CCNY: variants seen among roughly 807,000 people sequenced by gnomAD.
CCNY encodes the protein cyclin-Y.
Under a neutral mutation model 42.8 loss-of-function variants are expected in CCNY, and 19 were observed. The observed-to-expected ratio is 0.44, with a 90% CI of 0.31 to 0.65. CCNY has a LOEUF of 0.65. CCNY is among the 30% of genes least tolerant of loss of function. The pLI, the probability that CCNY is intolerant of heterozygous loss-of-function variation, is 0.07. For synonymous variants in CCNY, 165 were observed against 162.7 expected (o/e 1.01, Z -0.11); for missense variants, 370 against 437.3 (o/e 0.85, Z 1.37).
chr10:35,484,322 C>T (rs1045595195), intron 2 of CCNY, among the ~76,000 whole-genome samples: 8 of 152,154 alleles, frequency 5.3e-5, no homozygotes, highest in Non-Finnish European at 8.8e-5. Flanking sequence ...ATAGTAAGTT[C>T]ATAAATGAGA....
At chr10:35,548,385 G>A (rs888863191) in intron 7 of CCNY, among the ~76,000 whole-genome samples, 2 of 150,734 alleles carry the variant, frequency 1.3e-5, no homozygotes, top group Non-Finnish European at 2.9e-5. Flanking sequence ...TGCAGCCTCC[G>A]CCTCCCGGGT....
rs1364300133 is a variant in CCNY, at chr10:35,379,952, A to T, written c.154+42745A>T. Among the ~76,000 whole-genome samples the T allele has an allele frequency of 2.0e-5, 3 of 152,246 alleles. No individual in the cohort carries two copies. The East Asian group carries it at 5.8e-4, about 29-fold the overall frequency. On this transcript the variant is annotated intron_variant, in intron 1 of 9. Transcript: ENST00000374704. ...AGGAATTTTAGTACTCATCAGTCCC[A>T]GGCTGTCATATGAAGCATTCCACTC...
At chr10:35,371,989 A>G (rs541880690) in intron 1 of CCNY, among the ~76,000 whole-genome samples, 2 of 152,362 alleles carry the variant, frequency 1.3e-5, no homozygotes, top group South Asian at 2.1e-4. Context: ...CTGATGTTCA[A>G]GGTTATAAAG....
intron 3 of CCNY, among the ~76,000 whole-genome samples, chr10:35,273,367 C>T (rs1835196266): frequency 2.0e-5 from 3 of 151,770 alleles, no homozygotes; most frequent in Admixed American, 2.0e-4. Flanking sequence ...ATGCCCGGCT[C>T]ATTTTTTTTG....
chr10:35,496,247 T>C (rs552362854), intron 2 of CCNY, among the ~76,000 whole-genome samples: 35 of 152,368 alleles, frequency 2.3e-4, no homozygotes, highest in Non-Finnish European at 4.6e-4. Context: ...TATTCATACC[T>C]GGTTCTAATT....
At chr10:35,460,134 A>G (rs1839125250) in intron 1 of CCNY, among the ~76,000 whole-genome samples, 1 of 152,130 alleles carries the variant, frequency 6.6e-6, no homozygotes, top group South Asian at 2.1e-4. Flanking sequence ...TTTCAGGTAG[A>G]GCTCCCTGAT....
At position 35,310,197 on chromosome 10, in the gene CCNY, C is replaced by T. The variant is rs559720860; in HGVS notation, c.-9+59571C>T. 4.6e-5 allele frequency among the ~76,000 whole-genome samples: 7 copies of T among 152,304 alleles called. No homozygotes were observed. The East Asian group carries it at 9.6e-4, about 21-fold the overall frequency. ...GTGGTATTTGTCTTTCTGTGCCTGGCTTATTTCATTTCACATAATGTCCTC... is the reference window on the plus strand; with the variant it reads ...GTGGTATTTGTCTTTCTGTGCCTGGTTTATTTCATTTCACATAATGTCCTC... On this transcript the variant is annotated intron_variant, in intron 3 of 11. Transcript: ENST00000374706.
At chr10:35,518,001 G>A (rs1277300109) in intron 4 of CCNY, among the ~76,000 whole-genome samples, 2 of 152,194 alleles carry the variant, frequency 1.3e-5, no homozygotes, top group African/African-American at 4.8e-5. Context: ...AACAGAAGCT[G>A]CTAACTTCCC....
rs112714921 is a variant in CCNY, at chr10:35,484,039, A to G, written c.229+561A>G. ...CCCAGGTGTGTGTGGGATTTCTTCT[A>G]GGAGTTTTCTCTCTTTTCAGCCCCC... On this transcript the variant is annotated intron_variant, in intron 2 of 9. Coordinates refer to ENST00000374704, the MANE Select transcript of CCNY (RefSeq NM_145012.6). Among the ~76,000 whole-genome samples, 512 of 152,222 alleles carry G rather than the reference A, an allele frequency of 3.4e-3. 4 individuals carry two copies. The highest frequency in any genetic ancestry group is 0.012 in the African/African-American group (482 of 41,522).
chr10:35,563,860 C>G (rs901887826), intron 8 of CCNY, among the ~76,000 whole-genome samples: 1 of 151,100 alleles, frequency 6.6e-6, no homozygotes, highest in Non-Finnish European at 1.5e-5. Flanking sequence ...AGGTGCCCAC[C>G]ACCATGCCTG....
chr10:35,352,792 G>A (rs1589053601), intron 1 of CCNY, among the ~76,000 whole-genome samples: 1 of 152,186 alleles, frequency 6.6e-6, no homozygotes, highest in Non-Finnish European at 1.5e-5. Context: ...GCAAATGAGC[G>A]CTGCCTGATT....
intron 3 of CCNY, among the ~76,000 whole-genome samples, chr10:35,262,064 A>AC (rs112552729): frequency 0.36 from 55,044 of 150,826 alleles, 10,534 homozygotes; most frequent in African/African-American, 0.49. Flanking sequence ...GGAGTTCGAG[A>AC]CAGCCTGGGC....
intron 8 of CCNY, among the ~76,000 whole-genome samples, chr10:35,559,361 A>T (rs934207995): frequency 6.6e-6 from 1 of 152,238 alleles, no homozygotes; most frequent in African/African-American, 2.4e-5. Context: ...ACAGTGTGGA[A>T]GTCACAGCCT....
intron 3 of CCNY, among the ~76,000 whole-genome samples, chr10:35,322,478 C>T (rs567486072): frequency 2.0e-5 from 3 of 151,448 alleles, no homozygotes; most frequent in Admixed American, 1.3e-4. Flanking sequence ...CAAAAAAAGA[C>T]AAGAGCTATA....
chr10:35,564,471 T>A (rs934323416), intron 8 of CCNY, among the ~76,000 whole-genome samples: 6 of 152,044 alleles, frequency 3.9e-5, no homozygotes, highest in African/African-American at 1.4e-4. Flanking sequence ...TGTGGAGCCC[T>A]CCTCAGTCCT....
chr10:35,373,998 G>GT (rs1836996647), intron 1 of CCNY, among the ~76,000 whole-genome samples: 1 of 152,158 alleles, frequency 6.6e-6, no homozygotes, highest in Non-Finnish European at 1.5e-5. Context: ...ATTTTGTACA[G>GT]TTTTTTGAAA....
At chr10:35,272,038 G>C (rs1055194404) in intron 3 of CCNY, among the ~76,000 whole-genome samples, 1 of 152,240 alleles carries the variant, frequency 6.6e-6, no homozygotes, top group African/African-American at 2.4e-5. Context: ...CCAGGCTGGA[G>C]TGCAGTGGAG....
At chr10:35,408,756 A>G (rs1837839263) in intron 1 of CCNY, among the ~76,000 whole-genome samples, 1 of 152,156 alleles carries the variant, frequency 6.6e-6, no homozygotes, top group African/African-American at 2.4e-5. Context: ...CCTGACAGTA[A>G]TATGATGGGT....
intron 1 of CCNY, among the ~76,000 whole-genome samples, chr10:35,343,667 G>C: frequency 6.6e-6 from 1 of 152,198 alleles, no homozygotes; most frequent in East Asian, 1.9e-4. Context: ...TGGGATTATA[G>C]GTGTGAGCCA....
Sources: gnomAD v4.1 joint callset for allele counts (sites outside exome capture counted in the v4.1 genomes callset) on GRCh38, gnomAD v4.1.1 for gene constraint, MANE v1.5 for transcripts, NCBI Gene and HGNC (gene_info 2026-07-23, HGNC 2026-07-21) for gene names.